PCNX2: variants seen among roughly 807,000 people sequenced by gnomAD.
The protein encoded by PCNX2 is pecanex-like protein 2.
In PCNX2, 168 loss-of-function variants were observed where a neutral mutation model predicts 223.8. The ratio of observed to expected loss-of-function variants is 0.75; its 90% CI spans 0.66 to 0.85. The LOEUF is 0.85. PCNX2 is among the 40% of genes least tolerant of loss of function. The probability of loss-of-function intolerance (pLI) is 0.00; values close to 1 mark genes in which losing one functional copy is unlikely to be tolerated. For missense variants in PCNX2, 2,507 were observed against 2,675.5 expected, an observed-to-expected ratio of 0.94 and a Z score of 1.39; for synonymous variants, 1,006 against 1,052.6, an observed-to-expected ratio of 0.96 and a Z score of 0.86.
At chr1:233,260,251 A>C (rs1229406143) in intron 4 of PCNX2, among the ~76,000 whole-genome samples, 1 of 152,230 alleles carries the variant, frequency 6.6e-6, no homozygotes, top group Non-Finnish European at 1.5e-5. Context: ...ACTCAGAATG[A>C]AATAATGTAT....
At chr1:233,207,479 C>T (rs1681546427) in intron 13 of PCNX2, among the ~76,000 whole-genome samples, 2 of 152,178 alleles carry the variant, frequency 1.3e-5, no homozygotes, top group South Asian at 4.1e-4. Context: ...GATGTCTCTG[C>T]AAGAATTCTC....
chr1:233,085,938 G>T (rs1411665794), intron 23 of PCNX2, among the ~76,000 whole-genome samples: 3 of 152,152 alleles, frequency 2.0e-5, no homozygotes, highest in Non-Finnish European at 4.4e-5. Context: ...GAAGCCATGA[G>T]ATATGATAAA....
intron 5 of PCNX2, among the ~76,000 whole-genome samples, chr1:233,257,358 G>A (rs1008632046): frequency 6.6e-6 from 1 of 152,122 alleles, no homozygotes; most frequent in African/African-American, 2.4e-5. Flanking sequence ...AGGAGTAAGT[G>A]AGTTAATATG....
At chr1:233,301,183 T>C in the PCNX2 span, among the ~76,000 whole-genome samples, 2 of 152,078 alleles carry the variant, frequency 1.3e-5, no homozygotes, top group Admixed American at 6.6e-5. Context: ...AGTTCAAAGC[T>C]AAGTACTCTA....
At chr1:233,152,056 A>G (rs1340105314) in intron 19 of PCNX2, among the ~76,000 whole-genome samples, 5 of 152,150 alleles carry the variant, frequency 3.3e-5, no homozygotes, top group Non-Finnish European at 5.9e-5. Context: ...CCTTGTGGAG[A>G]CTGACGCAGG....
At chr1:233,104,254 G>A (rs1166457682) in intron 21 of PCNX2, among the ~76,000 whole-genome samples, 3 of 151,446 alleles carry the variant, frequency 2.0e-5, no homozygotes. Flanking sequence ...ACAGACTCTC[G>A]GTCTGCCTTA....
intron 8 of PCNX2, among the ~76,000 whole-genome samples, chr1:233,240,232 A>T (rs1658673154): frequency 6.6e-6 from 1 of 152,208 alleles, no homozygotes; most frequent in Non-Finnish European, 1.5e-5. Context: ...TGTCCACAAA[A>T]ATCACTGAAA....
rs929818555 is a variant in PCNX2 at position 233,007,278 on chromosome 1, T to G, written c.4953-5597A>C. Among the ~76,000 whole-genome samples the G allele has an allele frequency of 5.3e-5, 8 of 151,684 alleles. No individual in the cohort carries two copies. The East Asian group carries it at 1.5e-3, about 29-fold the overall frequency. Reference sequence around the variant, plus strand: ...CACCTTCCATTTGTATGGTGACTTGTGGGTCACTAAGCGCTTTCCATTCCA... The same window carrying G: ...CACCTTCCATTTGTATGGTGACTTGGGGGTCACTAAGCGCTTTCCATTCCA... On this transcript the variant is annotated intron_variant, in intron 28 of 33. Coordinates refer to ENST00000258229, the MANE Select transcript of PCNX2 (RefSeq NM_014801.4).
At chr1:233,128,657 TTCAGGGC>T (rs1558259988) in intron 21 of PCNX2, among the ~76,000 whole-genome samples, 1 of 152,178 alleles carries the variant, frequency 6.6e-6, no homozygotes, top group Non-Finnish European at 1.5e-5. Context: ...TAAGAACTTT[TTCAGGGC>T]CAGTGCGAGG....
At chr1:233,021,872 T>G (rs1419037439) in intron 26 of PCNX2, among the ~76,000 whole-genome samples, 2 of 152,120 alleles carry the variant, frequency 1.3e-5, no homozygotes, top group Non-Finnish European at 2.9e-5. Context: ...TCTAGGGGAC[T>G]GGGAGGCACA....
chr1:233,088,502 G>GT (rs1049372258), intron 23 of PCNX2, among the ~76,000 whole-genome samples: 5 of 151,620 alleles, frequency 3.3e-5, no homozygotes, highest in African/African-American at 9.7e-5. Flanking sequence ...AACTGTGGTA[G>GT]TTTTTTTTTA....
chr1:233,097,915 G>T (rs1321050291), intron 21 of PCNX2, among the ~76,000 whole-genome samples: 1 of 152,152 alleles, frequency 6.6e-6, no homozygotes. Flanking sequence ...TGACTTCTGG[G>T]TTACCAACCA....
intron 1 of PCNX2, chr1:233,284,890 G>A (rs1305325291): frequency 3.3e-6 from 3 of 901,356 alleles, no homozygotes; most frequent in Admixed American, 1.2e-4. Flanking sequence ...CAACCATAGT[G>A]ACTGGTATGA....
At chr1:233,133,997 C>T (rs1397669590) in intron 21 of PCNX2, among the ~76,000 whole-genome samples, 1 of 151,590 alleles carries the variant, frequency 6.6e-6, no homozygotes, top group Non-Finnish European at 1.5e-5. Context: ...AAGAGAAAGG[C>T]AGTAGAAGGA....
At position 233,014,720 on chromosome 1, in the gene PCNX2, G is replaced by A. The variant is rs1260499646; in HGVS notation, c.4897C>T (p.Leu1633=). The A allele has an allele frequency of 1.9e-6, 3 of 1,613,872 alleles. No individual in the cohort carries two copies. The highest frequency in any genetic ancestry group is 1.3e-5 in the African/African-American group (1 of 74,930). The change falls in exon 28 of 34, where the codon CTG becomes TTG. Residue 1633 remains leucine (L), a synonymous_variant. Coordinates refer to ENST00000258229, the MANE Select transcript of PCNX2 (RefSeq NM_014801.4). ...DSPLVTLSFA[L]CTLGRRALGT... is the part of the protein sequence containing the mutation. The stretch of plus-strand genomic sequence containing the variant: ...AGAGCTCTCCTCCCCAGGGTGCACA[G>A]GGCGAAGGACAGAGTCACCAAGGGA...
intron 19 of PCNX2, among the ~76,000 whole-genome samples, chr1:233,156,727 G>T (rs1678154825): frequency 6.6e-6 from 1 of 152,120 alleles, no homozygotes; most frequent in Non-Finnish European, 1.5e-5. Context: ...AGACCAGACT[G>T]GCCAACATGG....
At chr1:233,216,761 T>C (rs1434081739) in intron 12 of PCNX2, among the ~76,000 whole-genome samples, 1 of 152,162 alleles carries the variant, frequency 6.6e-6, no homozygotes, top group African/African-American at 2.4e-5. Flanking sequence ...CATCACCATG[T>C]TCATTGCAAC....
At chr1:233,087,971 A>G (rs1296139422) in intron 23 of PCNX2, among the ~76,000 whole-genome samples, 1 of 152,176 alleles carries the variant, frequency 6.6e-6, no homozygotes, top group Non-Finnish European at 1.5e-5. Flanking sequence ...AAAAGAATAA[A>G]TGCGGCAGAA....
chr1:233,016,527 T>G (rs1029359753), intron 27 of PCNX2, among the ~76,000 whole-genome samples: 3 of 152,196 alleles, frequency 2.0e-5, no homozygotes, highest in Admixed American at 6.5e-5. Flanking sequence ...TTGGACCATC[T>G]GATTGCTAAA....
Sources: allele counts gnomAD v4.1 joint callset (sites outside exome capture counted in the v4.1 genomes callset), GRCh38; gene constraint gnomAD v4.1.1; transcripts MANE v1.5; gene names NCBI Gene and HGNC (gene_info 2026-07-23, HGNC 2026-07-21).